Variants in RANBP2 observed in about 807,000 individuals in gnomAD.
The protein encoded by RANBP2 is RAN binding protein 2.
Under a neutral mutation model 303.6 loss-of-function variants are expected in RANBP2, and 57 were observed. That is an observed-to-expected ratio of 0.19 (90% CI 0.15 to 0.23). The LOEUF is 0.23. Ranked by LOEUF, RANBP2 falls within the 10% of genes least tolerant of loss-of-function variation. RANBP2 has a pLI of 1.00. For synonymous variants in RANBP2, 1,167 were observed against 1,301.5 expected (o/e 0.90, Z 2.23); for missense variants, 3,138 against 3,780.8 (o/e 0.83, Z 4.46).
chr2:109,475,701 G>A, the RANBP2 span, among the ~76,000 whole-genome samples: 1 of 152,228 alleles, frequency 6.6e-6, no homozygotes, highest in South Asian at 2.1e-4. Context: ...CCAGTAGCAC[G>A]CTGCTGCACC....
the RANBP2 span, among the ~76,000 whole-genome samples, chr2:109,263,695 G>A: frequency 2.6e-5 from 4 of 152,182 alleles, no homozygotes; most frequent in African/African-American, 4.8e-5. Flanking sequence ...GGCCGGGTGC[G>A]GTGGCTCACG....
At chr2:109,287,829 C>T in the RANBP2 span, among the ~76,000 whole-genome samples, 1 of 152,200 alleles carries the variant, frequency 6.6e-6, no homozygotes, top group Non-Finnish European at 1.5e-5. Flanking sequence ...CTGCACTCTC[C>T]TGTGTGCAGT....
chr2:109,268,298 T>C, the RANBP2 span, among the ~76,000 whole-genome samples: 1 of 151,536 alleles, frequency 6.6e-6, no homozygotes, highest in East Asian at 2.0e-4. Flanking sequence ...CCAGGTGGGA[T>C]TGGGGGACAG....
chr2:109,489,075 C>T, the RANBP2 span, among the ~76,000 whole-genome samples: 627 of 152,328 alleles, frequency 4.1e-3, 1 homozygote, highest in Middle Eastern at 6.8e-3. Flanking sequence ...AAGTGGGGAG[C>T]GAAGGCCGAG....
the RANBP2 span, among the ~76,000 whole-genome samples, chr2:109,404,551 G>T: frequency 6.6e-6 from 1 of 152,122 alleles, no homozygotes; most frequent in Non-Finnish European, 1.5e-5. Context: ...AGTCAAGGTC[G>T]CCAAGGAGCT....
the RANBP2 span, among the ~76,000 whole-genome samples, chr2:108,891,430 T>C: frequency 6.6e-6 from 1 of 152,228 alleles, no homozygotes. Flanking sequence ...TTTTTTAGGC[T>C]GTAAGTAGTG....
chr2:108,908,291 A>G, the RANBP2 span, among the ~76,000 whole-genome samples: 1 of 152,018 alleles, frequency 6.6e-6, no homozygotes, highest in Non-Finnish European at 1.5e-5. Flanking sequence ...TGCGTGTGGG[A>G]GGCATCCACG....
At chr2:108,866,688 G>A in the RANBP2 span, among the ~76,000 whole-genome samples, 2 of 152,082 alleles carry the variant, frequency 1.3e-5, no homozygotes, top group African/African-American at 2.4e-5. Flanking sequence ...TTTGAGACCA[G>A]CCTAGCCAAG....
the RANBP2 span, among the ~76,000 whole-genome samples, chr2:108,822,118 A>G: frequency 6.6e-6 from 1 of 152,134 alleles, no homozygotes; most frequent in East Asian, 1.9e-4. Context: ...ATGGAAAAAG[A>G]CAATCCTTGT....
chr2:109,054,891 A>G, the RANBP2 span, among the ~76,000 whole-genome samples: 1 of 152,046 alleles, frequency 6.6e-6, no homozygotes, highest in African/African-American at 2.4e-5. Context: ...TGCACATGGG[A>G]CAGGCAATAG....
At chr2:108,722,230 T>A (rs192674401) in intron 1 of RANBP2, among the ~76,000 whole-genome samples, 1 of 152,332 alleles carries the variant, frequency 6.6e-6, no homozygotes, top group East Asian at 1.9e-4. Flanking sequence ...GATTGGTTAT[T>A]ATGACACCTC....
the RANBP2 span, among the ~76,000 whole-genome samples, chr2:109,283,905 A>G: frequency 6.6e-6 from 1 of 152,188 alleles, no homozygotes; most frequent in Non-Finnish European, 1.5e-5. Context: ...AGCGCTTATC[A>G]AATGACCCCC....
At chr2:109,291,286 T>A in the RANBP2 span, among the ~76,000 whole-genome samples, 1 of 152,094 alleles carries the variant, frequency 6.6e-6, no homozygotes, top group Non-Finnish European at 1.5e-5. Context: ...ATCTCTTTTT[T>A]TTTTTTTTTT....
the RANBP2 span, among the ~76,000 whole-genome samples, chr2:109,036,641 C>G: frequency 6.6e-6 from 1 of 152,198 alleles, no homozygotes; most frequent in Middle Eastern, 3.4e-3. Context: ...TGCCCATTCA[C>G]GGTAAAAAGT....
the RANBP2 span, among the ~76,000 whole-genome samples, chr2:109,099,586 A>C: frequency 1.3e-5 from 2 of 151,992 alleles, no homozygotes; most frequent in African/African-American, 4.8e-5. Flanking sequence ...GGTCCCCTTG[A>C]CAAGCGGGGG....
At chr2:109,590,856 C>T in the RANBP2 span, among the ~76,000 whole-genome samples, 1 of 152,140 alleles carries the variant, frequency 6.6e-6, no homozygotes, top group South Asian at 2.1e-4. Context: ...CTGACAACAA[C>T]CCCCAGCCAG....
chr2:109,733,605 C>T, the RANBP2 span, among the ~76,000 whole-genome samples: 1 of 152,162 alleles, frequency 6.6e-6, no homozygotes, highest in Non-Finnish European at 1.5e-5. Context: ...GTAATCCCAG[C>T]ACTTTGTGAG....
At chr2:108,891,512 A>G in the RANBP2 span, among the ~76,000 whole-genome samples, 1 of 152,160 alleles carries the variant, frequency 6.6e-6, no homozygotes, top group Non-Finnish European at 1.5e-5. Context: ...AAGTTGTACT[A>G]GGGATTGGGA....
intron 7 of RANBP2, among the ~76,000 whole-genome samples, chr2:108,745,593 C>T (rs1431063872): frequency 1.6e-5 from 2 of 125,010 alleles, no homozygotes; most frequent in African/African-American, 9.3e-5. Flanking sequence ...TTCTATTCAT[C>T]ATGCTTTTTT....
Sources: gnomAD v4.1 joint callset for allele counts (sites outside exome capture counted in the v4.1 genomes callset) on GRCh38, gnomAD v4.1.1 for gene constraint, MANE v1.5 for transcripts, NCBI Gene and HGNC (gene_info 2026-07-23, HGNC 2026-07-21) for gene names.